Variants in PATJ observed in about 807,000 individuals in gnomAD.
PATJ encodes inaD-like protein.
PATJ carries 190 observed loss-of-function variants against 224.9 expected under a neutral mutation model. The ratio of observed to expected loss-of-function variants is 0.84; its 90% confidence interval spans 0.75 to 0.95. PATJ has a LOEUF of 0.95. Ranked by LOEUF, PATJ falls within the 40% of genes least tolerant of loss-of-function variation. PATJ has a pLI of 0.00. For synonymous variants in PATJ, 769 were observed against 820.3 expected (o/e 0.94, Z 1.07); for missense variants, 2,121 against 2,270.3 (o/e 0.93, Z 1.34).
At chr1:61,842,484 C>T (rs1212869650) in intron 17 of PATJ, among the ~76,000 whole-genome samples, 1 of 152,150 alleles carries the variant, frequency 6.6e-6, no homozygotes, top group East Asian at 1.9e-4. Flanking sequence ...ACAGTTTCTG[C>T]TTCATACTTG....
intron 1 of PATJ, among the ~76,000 whole-genome samples, chr1:61,761,524 C>G (rs535551136): frequency 6.6e-6 from 1 of 151,978 alleles, no homozygotes; most frequent in Admixed American, 6.6e-5. Flanking sequence ...AAAGGAAGAC[C>G]CGAAGAAACA....
rs1436049866 is a variant in PATJ, at chr1:61,982,030, C to T, written c.3671-8138C>T. Among the ~76,000 whole-genome samples, 4 of 151,910 alleles carry T rather than the reference C, an allele frequency of 2.6e-5. No individual in the cohort carries two copies. In the East Asian group the frequency reaches 5.8e-4, roughly 22 times the overall value. On this transcript the variant is annotated intron_variant, in intron 27 of 43. Coordinates refer to ENST00000642238, the MANE Select transcript of PATJ (RefSeq NM_001350145.3). ...CTTCCTCTGAGTATAGGGCAGGACA[C>T]CTGTCACATACACATCTGCAGGGGA...
intron 1 of PATJ, among the ~76,000 whole-genome samples, chr1:61,750,435 C>CTTTTTTTT (rs3030066): frequency 8.2e-6 from 1 of 121,260 alleles, no homozygotes; most frequent in Non-Finnish European, 1.7e-5. Flanking sequence ...TTTTCTGGAG[C>CTTTTTTTT]TTTTTTTTTT....
rs997088732 is a variant in PATJ, at chr1:62,123,135, A to G, written c.5043+77A>G. The G allele has an allele frequency of 1.5e-4, 148 of 999,816 alleles. 2 individuals carry two copies. In the South Asian group the frequency reaches 2.0e-3, roughly 14 times the overall value. The allele number at this position is 999,816 out of a possible 1,614,324, so 61.9% of individuals were successfully genotyped here. A position where few individuals can be genotyped will look rare whatever the true frequency, so the allele number is the denominator to read the frequency against. ...ACTAAATGTACATTTTCCCCAATAC[A>G]GTTTATTGGATTGTGAGTGTGCTCT... On this transcript the variant is annotated intron_variant, in intron 39 of 43. Transcript: ENST00000642238.
intron 27 of PATJ, among the ~76,000 whole-genome samples, chr1:61,971,229 A>G (rs929662579): frequency 2.6e-5 from 4 of 152,196 alleles, no homozygotes; most frequent in Non-Finnish European, 5.9e-5. Flanking sequence ...CTTAACCCCA[A>G]GTCATTGTCT....
chr1:61,792,050 T>C (rs1455509336), intron 9 of PATJ, among the ~76,000 whole-genome samples: 1 of 152,170 alleles, frequency 6.6e-6, no homozygotes, highest in Non-Finnish European at 1.5e-5. Flanking sequence ...CCACAAATAT[T>C]TGCTAATAAT....
chr1:62,149,845 TTAAAC>T (rs1668447621), intron 42 of PATJ, among the ~76,000 whole-genome samples: 1 of 152,032 alleles, frequency 6.6e-6, no homozygotes, highest in African/African-American at 2.4e-5. Flanking sequence ...GAAAGTAAAT[TTAAAC>T]TAATTGGTTG....
intron 27 of PATJ, among the ~76,000 whole-genome samples, chr1:61,987,595 C>T (rs908871090): frequency 6.6e-6 from 1 of 152,054 alleles, no homozygotes; most frequent in Admixed American, 6.6e-5. Flanking sequence ...CTCTCAACCC[C>T]CCATCCCTGG....
intron 30 of PATJ, among the ~76,000 whole-genome samples, chr1:62,040,265 C>T (rs191031622): frequency 2.7e-4 from 41 of 151,954 alleles, no homozygotes; most frequent in Admixed American, 1.1e-3. Flanking sequence ...CACACTACCA[C>T]GCCTGGCTAA....
chr1:61,803,066 A>T (rs1652861595), intron 12 of PATJ, among the ~76,000 whole-genome samples: 1 of 152,178 alleles, frequency 6.6e-6, no homozygotes, highest in South Asian at 2.1e-4. Context: ...TTTTCAGAAA[A>T]ATGTCAGATG....
At chr1:61,883,442 A>G (rs1316954254) in intron 21 of PATJ, among the ~76,000 whole-genome samples, 1 of 152,096 alleles carries the variant, frequency 6.6e-6, no homozygotes, top group Non-Finnish European at 1.5e-5. Context: ...TCATAGTTTG[A>G]TGTGAGAATT....
chr1:62,100,891 G>A (rs1179810732), intron 33 of PATJ, among the ~76,000 whole-genome samples: 2 of 152,148 alleles, frequency 1.3e-5, no homozygotes, highest in Non-Finnish European at 2.9e-5. Context: ...TTACGTAGTG[G>A]TGACTCACAA....
intron 30 of PATJ, among the ~76,000 whole-genome samples, chr1:62,039,614 C>A (rs1651082771): frequency 6.6e-6 from 1 of 152,148 alleles, no homozygotes; most frequent in South Asian, 2.1e-4. Context: ...TCCTGAGTTA[C>A]AGAGAAGGCT....
intron 27 of PATJ, among the ~76,000 whole-genome samples, chr1:61,935,415 TCCCAGAAAAG>T (rs1244912762): frequency 1.5e-4 from 23 of 152,294 alleles, no homozygotes; most frequent in African/African-American, 5.3e-4. Context: ...ATTTTGTTTT[TCCCAGAAAAG>T]ACCTGGTCAT....
rs12140153 is a variant in PATJ at position 62,114,219 on chromosome 1, G to A, written c.4628G>A (p.Gly1543Asp). The A allele has an allele frequency of 1.2e-6, 2 of 1,613,930 alleles. No individual in the cohort carries two copies. Among genetic ancestry groups the A allele is most frequent in the South Asian group, 1.1e-5 (1 of 91,048 alleles). The change falls in exon 35 of 44, where the codon GGC becomes GAC. Residue 1543 changes from glycine (G) to aspartate (D), a missense_variant. By Grantham distance (94) the Gly-to-Asp change is moderately conservative. Coordinates refer to ENST00000642238, the MANE Select transcript of PATJ (RefSeq NM_001350145.3). ...PVDLQKKAGR[G>D]LGLSIVGKRN... is the part of the protein sequence containing the mutation. ...GATCTGCAGAAGAAAGCTGGCCGGGGCCTGGGCCTGAGCATCGTTGGGAAA... is the reference window on the plus strand; with the variant it reads ...GATCTGCAGAAGAAAGCTGGCCGGGACCTGGGCCTGAGCATCGTTGGGAAA...
chr1:61,898,600 A>G (rs535344495), intron 22 of PATJ, among the ~76,000 whole-genome samples: 2 of 152,200 alleles, frequency 1.3e-5, no homozygotes, highest in South Asian at 4.1e-4. Flanking sequence ...GAGTAATACA[A>G]TTTACAACAT....
chr1:61,836,521 T>C (rs998204902), intron 17 of PATJ, among the ~76,000 whole-genome samples: 2 of 152,250 alleles, frequency 1.3e-5, no homozygotes, highest in African/African-American at 2.4e-5. Flanking sequence ...CATTCAATCC[T>C]AACTTGGATG....
chr1:61,774,529 C>T (rs550378299), intron 6 of PATJ, among the ~76,000 whole-genome samples: 7 of 152,290 alleles, frequency 4.6e-5, no homozygotes, highest in East Asian at 3.9e-4. Context: ...TAGGACACTT[C>T]GTGTCCTACC....
intron 12 of PATJ, among the ~76,000 whole-genome samples, chr1:61,804,046 A>G (rs942486789): frequency 6.6e-6 from 1 of 152,166 alleles, no homozygotes; most frequent in African/African-American, 2.4e-5. Flanking sequence ...TATTTTATAC[A>G]TTTATATTAA....
Sources: gnomAD v4.1 joint callset for allele counts (sites outside exome capture counted in the v4.1 genomes callset) on GRCh38, gnomAD v4.1.1 for gene constraint, MANE v1.5 for transcripts, NCBI Gene and HGNC (gene_info 2026-07-23, HGNC 2026-07-21) for gene names.